LIFR: variants seen among roughly 807,000 people sequenced by gnomAD.
LIFR encodes the protein LIF receptor subunit alpha.
A neutral mutation model predicts 122.2 loss-of-function variants in LIFR; 84 were observed. That is an observed-to-expected ratio of 0.69 (90% CI 0.58 to 0.82). The LOEUF is 0.82. LIFR is among the 40% of genes least tolerant of loss of function. LIFR has a pLI of 0.00. For synonymous variants in LIFR, 422 were observed against 434.7 expected (o/e 0.97, Z 0.36); for missense variants, 1,294 against 1,311.6 (o/e 0.99, Z 0.21).
chr5:38,492,769 G>A (rs546168092), intron 14 of LIFR, among the ~76,000 whole-genome samples: 3 of 152,244 alleles, frequency 2.0e-5, no homozygotes, highest in Non-Finnish European at 4.4e-5. Flanking sequence ...CCTAACACGC[G>A]AGGGAGGCAG....
Position 38,505,952 on chromosome 5 carries a change from G to A in LIFR, c.1244C>T (p.Pro415Leu), listed in dbSNP as rs780740622. 2.5e-5 allele frequency: 41 copies of A among 1,610,382 alleles called. 1 individual carries two copies. In the South Asian group the frequency reaches 2.7e-4, roughly 10 times the overall value. The part of the protein sequence containing the change: ...IYNFTLNAHN[P>L]LGRSQSTILV... ...AATTGTTGATTGTGATCGACCCAGC[G>A]GATTGTGAGCATTCAAAGTAAAATT... Residue 415 changes from proline (P) to leucine (L), a missense_variant, in exon 9 of 20, where the codon CCG (proline) becomes CTG (leucine). Transcript: ENST00000453190.
At chr5:38,515,233 A>G (rs934105289) in intron 5 of LIFR, among the ~76,000 whole-genome samples, 1 of 152,124 alleles carries the variant, frequency 6.6e-6, no homozygotes, top group Admixed American at 6.5e-5. Context: ...GCCTCTGGCC[A>G]CAAGCGGTCT....
chr5:38,510,842 C>T, intron 6 of LIFR, 124 bp from the exon 7 acceptor site: 1 of 727,052 alleles, frequency 1.4e-6, no homozygotes, highest in South Asian at 1.9e-5. Context: ...ACACTACAAA[C>T]TGTTAGGTGC....
chr5:38,520,209 C>T (rs1025019240), intron 5 of LIFR, among the ~76,000 whole-genome samples: 5 of 151,948 alleles, frequency 3.3e-5, no homozygotes, highest in African/African-American at 1.2e-4. Context: ...TTTGTATTTC[C>T]CTGGTAAGTA....
Position 38,545,074 on chromosome 5 carries a change from A to C in LIFR, c.-20+11260T>G, listed in dbSNP as rs148510201. Among the ~76,000 whole-genome samples, 1,772 of 152,270 alleles carry C rather than the reference A, an allele frequency of 0.012. 180 individuals are homozygous for C. In the East Asian group the frequency reaches 0.25, roughly 22 times the overall value. On this transcript the variant is annotated intron_variant, in intron 1 of 19. Transcript: ENST00000453190. Reference sequence around the variant, plus strand: ...CACCTGAGGTCAGGAGTTCAAGGCCAGCCTGGCCAATATGGTGAAATCCCA... The same window carrying C: ...CACCTGAGGTCAGGAGTTCAAGGCCCGCCTGGCCAATATGGTGAAATCCCA...
At position 38,476,917 on chromosome 5, in the gene LIFR, A is replaced by G; in HGVS notation, c.*4678T>C. 4.6e-6 allele frequency: 1 copy of G among 215,676 alleles called. No homozygotes were observed. The allele number at this position is 215,676 out of a possible 1,614,324, so 13.4% of individuals were successfully genotyped here. ...ATCCAAATATTAACATTCCTAATAT[A>G]GGGAAAAATAAGCACCATTCATAGC... On this transcript the variant is annotated 3_prime_UTR_variant, in exon 20 of 20. Coordinates refer to ENST00000453190, the MANE Select transcript of LIFR (RefSeq NM_001127671.2).
chr5:38,577,999 G>T (rs1004386297), intron 1 of LIFR, among the ~76,000 whole-genome samples: 2 of 152,084 alleles, frequency 1.3e-5, no homozygotes, highest in African/African-American at 4.8e-5. Flanking sequence ...TTATTTAAAT[G>T]CATGTTATCA....
chr5:38,509,612 A>T (rs1291693693), intron 7 of LIFR, among the ~76,000 whole-genome samples: 2 of 151,614 alleles, frequency 1.3e-5, no homozygotes, highest in African/African-American at 4.9e-5. Flanking sequence ...AATATCATAA[A>T]ATCTAGTCAA....
At chr5:38,577,874 T>A (rs2112731060) in intron 1 of LIFR, among the ~76,000 whole-genome samples, 1 of 152,344 alleles carries the variant, frequency 6.6e-6, no homozygotes, top group South Asian at 2.1e-4. Context: ...GCATAAAATA[T>A]TTTGCACTAA....
At chr5:38,528,981 G>GTTTT in intron 2 of LIFR, 141 bp from the exon 3 acceptor site, 1 of 493,990 alleles carries the variant, frequency 2.0e-6, no homozygotes, top group Non-Finnish European at 3.6e-6. Flanking sequence ...GAGAGCCCAT[G>GTTTT]TTTTTTTTTT....
intron 1 of LIFR, among the ~76,000 whole-genome samples, chr5:38,569,315 G>T (rs1475138610): frequency 2.0e-5 from 3 of 152,178 alleles, no homozygotes; most frequent in Non-Finnish European, 4.4e-5. Context: ...TCAAGAGCCA[G>T]ATGTCATCCC....
At chr5:38,592,446 C>T (rs1218084061) in intron 1 of LIFR, among the ~76,000 whole-genome samples, 1 of 151,734 alleles carries the variant, frequency 6.6e-6, no homozygotes, top group East Asian at 2.0e-4. Flanking sequence ...TCAGCTGAGG[C>T]CAGGAGTTTG....
At chr5:38,555,526 T>C (rs577727918) in intron 1 of LIFR, among the ~76,000 whole-genome samples, 4 of 152,320 alleles carry the variant, frequency 2.6e-5, no homozygotes, top group Admixed American at 6.5e-5. Context: ...AACTGAAACT[T>C]TTCTGTTGAA....
At chr5:38,544,635 T>G (rs1747774694) in intron 1 of LIFR, among the ~76,000 whole-genome samples, 1 of 152,122 alleles carries the variant, frequency 6.6e-6, no homozygotes, top group Non-Finnish European at 1.5e-5. Flanking sequence ...GTATCCTATT[T>G]TATATCCTTC....
At chr5:38,562,074 T>C (rs909670765) in intron 1 of LIFR, among the ~76,000 whole-genome samples, 4 of 152,174 alleles carry the variant, frequency 2.6e-5, no homozygotes, top group Non-Finnish European at 2.9e-5. Context: ...AGACAGCCAG[T>C]GACAGGAGGG....
In LIFR at chr5:38,496,486, G is replaced by C; in HGVS notation, c.1781C>G (p.Ala594Gly). ...LSEIPDPQHK[A>G]EIRLDKNDYI... ...GTCATTCTTATCAAGTCGTATCTCT[G>C]CTTTGTGCTGAGGATCAGGGATTTC... is the stretch of plus-strand genomic sequence containing the variant. Residue 594 changes from alanine to glycine, a missense_variant, in exon 13 of 20, where the codon GCA becomes GGA. Physicochemically the swap from Ala to Gly is moderately conservative, Grantham distance 60. Transcript: ENST00000453190. 1 of 1,613,892 alleles carries C rather than the reference G, an allele frequency of 6.2e-7. No individual in the cohort carries two copies. The highest frequency in any genetic ancestry group is 8.5e-7 in the Non-Finnish European group (1 of 1,179,740).
At chr5:38,504,177 T>C in intron 9 of LIFR, 56 bp from the exon 10 acceptor site, 1 of 1,188,084 alleles carries the variant, frequency 8.4e-7, no homozygotes, top group Non-Finnish European at 1.2e-6. Flanking sequence ...AACTATCTTC[T>C]AATATGACAA....
chr5:38,553,622 C>CTACA (rs1491531071), intron 1 of LIFR, among the ~76,000 whole-genome samples: 1 of 41,610 alleles, frequency 2.4e-5, no homozygotes, highest in Non-Finnish European at 6.0e-5. Context: ...ACCATTTAAA[C>CTACA]TATATATATA....
At chr5:38,594,884 C>T in intron 1 of LIFR, 1 of 202,464 alleles carries the variant, frequency 4.9e-6, no homozygotes, top group Non-Finnish European at 1.0e-5. Flanking sequence ...GAGCAGTGTG[C>T]AAGCTGGATT....
Sources: gnomAD v4.1 joint callset for allele counts (sites outside exome capture counted in the v4.1 genomes callset) on GRCh38, gnomAD v4.1.1 for gene constraint, MANE v1.5 for transcripts, NCBI Gene and HGNC (gene_info 2026-07-23, HGNC 2026-07-21) for gene names.